NAALADL2: variants seen among roughly 807,000 people sequenced by gnomAD.
The protein encoded by NAALADL2 is inactive N-acetylated-alpha-linked acidic dipeptidase-like protein 2.
Under a neutral mutation model 87.2 loss-of-function variants are expected in NAALADL2, and 76 were observed. The ratio of observed to expected loss-of-function variants is 0.87; its 90% CI spans 0.72 to 1.05. The LOEUF (loss-of-function observed/expected upper bound fraction) is 1.05. Among genes scored for constraint, NAALADL2 ranks in the 50% least tolerant of loss-of-function variants. The pLI, the probability that NAALADL2 is intolerant of heterozygous loss-of-function variation, is 0.00. For synonymous variants in NAALADL2, 354 were observed against 331.0 expected (o/e 1.07, Z -0.75); for missense variants, 1,089 against 945.8 (o/e 1.15, Z -1.99).
chr3:174,995,932 A>G (rs1277939014), intron 1 of NAALADL2, among the ~76,000 whole-genome samples: 1 of 152,168 alleles, frequency 6.6e-6, no homozygotes, highest in Non-Finnish European at 1.5e-5. Context: ...ATTGAACTGG[A>G]GACAGTTTCA....
intron 11 of NAALADL2, among the ~76,000 whole-genome samples, chr3:175,662,191 T>C (rs966363853): frequency 3.3e-5 from 5 of 151,984 alleles, no homozygotes; most frequent in Admixed American, 2.0e-4. Context: ...CAGTTTTCCT[T>C]GCAGCGATCT....
chr3:175,772,714 G>A (rs1293235258), intron 13 of NAALADL2, among the ~76,000 whole-genome samples: 1 of 152,140 alleles, frequency 6.6e-6, no homozygotes, highest in East Asian at 1.9e-4. Context: ...AGAGGCCTGA[G>A]TTTCAACTTC....
At chr3:174,656,075 AT>A (rs1272515309) in intron 2 of NAALADL2, among the ~76,000 whole-genome samples, 1 of 152,218 alleles carries the variant, frequency 6.6e-6, no homozygotes, top group African/African-American at 2.4e-5. Flanking sequence ...TGGCATTGAA[AT>A]GAAAAGTTAT....
chr3:175,740,112 G>C (rs989290953), intron 12 of NAALADL2, among the ~76,000 whole-genome samples: 1 of 152,102 alleles, frequency 6.6e-6, no homozygotes, highest in African/African-American at 2.4e-5. Flanking sequence ...GACCAAGGAG[G>C]AGTGGCCAAA....
chr3:175,433,805 T>C (rs537766895), intron 5 of NAALADL2, among the ~76,000 whole-genome samples: 5 of 152,126 alleles, frequency 3.3e-5, no homozygotes, highest in African/African-American at 1.2e-4. Context: ...ATAGAACTTT[T>C]ATGTAAGAAA....
intron 1 of NAALADL2, among the ~76,000 whole-genome samples, chr3:174,949,836 G>A (rs1003489983): frequency 3.9e-5 from 6 of 152,194 alleles, no homozygotes; most frequent in African/African-American, 1.4e-4. Context: ...TGTGGAGCAA[G>A]AGTAATACTA....
At chr3:174,714,347 G>T (rs1730979095) in intron 2 of NAALADL2, among the ~76,000 whole-genome samples, 2 of 152,120 alleles carry the variant, frequency 1.3e-5, no homozygotes, top group South Asian at 4.1e-4. Context: ...GAAAGTCGTT[G>T]GTAGCTTGAT....
intron 5 of NAALADL2, among the ~76,000 whole-genome samples, chr3:175,387,709 A>G (rs1000157323): frequency 6.6e-6 from 1 of 152,110 alleles, no homozygotes; most frequent in African/African-American, 2.4e-5. Flanking sequence ...GAATTTCCTC[A>G]GTTTTTGGAA....
At chr3:175,292,390 T>C (rs1755743805) in intron 4 of NAALADL2, among the ~76,000 whole-genome samples, 1 of 152,184 alleles carries the variant, frequency 6.6e-6, no homozygotes, top group Non-Finnish European at 1.5e-5. Flanking sequence ...AAAATATAAC[T>C]GCACTTTGAA....
At chr3:175,206,936 G>A (rs779374014) in intron 2 of NAALADL2, among the ~76,000 whole-genome samples, 1 of 152,006 alleles carries the variant, frequency 6.6e-6, no homozygotes, top group African/African-American at 2.4e-5. Context: ...AGGACAAAGT[G>A]GTAAAATGAA....
intron 1 of NAALADL2, among the ~76,000 whole-genome samples, chr3:174,487,835 C>T (rs1040084688): frequency 1.3e-5 from 2 of 151,686 alleles, no homozygotes; most frequent in Non-Finnish European, 2.9e-5. Context: ...GATTTGGTGA[C>T]ATAAATAGAG....
At chr3:175,666,194 T>C (rs1352835754) in intron 11 of NAALADL2, among the ~76,000 whole-genome samples, 2 of 152,034 alleles carry the variant, frequency 1.3e-5, no homozygotes, top group Non-Finnish European at 2.9e-5. Context: ...TGTATGGCAT[T>C]AAGTAGGGCA....
At chr3:175,783,320 G>A (rs1312260263) in intron 13 of NAALADL2, among the ~76,000 whole-genome samples, 1 of 151,896 alleles carries the variant, frequency 6.6e-6, no homozygotes, top group Admixed American at 6.6e-5. Flanking sequence ...TCACGATACT[G>A]ATTCTTCCTA....
intron 2 of NAALADL2, among the ~76,000 whole-genome samples, chr3:174,606,781 C>G (rs979239951): frequency 6.3e-4 from 96 of 152,122 alleles, no homozygotes; most frequent in Non-Finnish European, 7.6e-4. Context: ...CCCAATCTAG[C>G]AAGGCAGGCC....
At chr3:175,553,447 T>A (rs1714754261) in intron 9 of NAALADL2, among the ~76,000 whole-genome samples, 1 of 152,206 alleles carries the variant, frequency 6.6e-6, no homozygotes, top group African/African-American at 2.4e-5. Flanking sequence ...AGGATTAAGC[T>A]GTGTCTTCTC....
rs571577990 is a variant in NAALADL2 at position 174,470,095 on chromosome 3, A to T, written c.-184+29063A>T. ...GTTACAGTGTTCTTAACACTACTAT[A>T]TATCCATACAGGAATTTCCACCAAC... On this transcript the variant is annotated intron_variant, in intron 1 of 3. Transcript: ENST00000434257. Among the ~76,000 whole-genome samples, 4 of 152,274 alleles carry T rather than the reference A, an allele frequency of 2.6e-5. No homozygotes were observed. The South Asian group carries it at 8.3e-4, about 32-fold the overall frequency.
intron 13 of NAALADL2, among the ~76,000 whole-genome samples, chr3:175,779,076 G>C (rs1156894526): frequency 6.6e-6 from 1 of 152,194 alleles, no homozygotes; most frequent in African/African-American, 2.4e-5. Context: ...GGCTAGGGCA[G>C]TTAGTTGTGG....
intron 9 of NAALADL2, among the ~76,000 whole-genome samples, chr3:175,559,526 C>T (rs1715918163): frequency 6.6e-6 from 1 of 152,096 alleles, no homozygotes; most frequent in Admixed American, 6.6e-5. Flanking sequence ...CCACATCTCA[C>T]AGGAAAGGCT....
chr3:174,682,037 T>C (rs979998800), intron 2 of NAALADL2, among the ~76,000 whole-genome samples: 4 of 151,796 alleles, frequency 2.6e-5, no homozygotes, highest in African/African-American at 9.7e-5. Flanking sequence ...GTGGTGGCCA[T>C]GGGGAGAGTG....
Sources: allele counts gnomAD v4.1 joint callset (sites outside exome capture counted in the v4.1 genomes callset), GRCh38; gene constraint gnomAD v4.1.1; transcripts MANE v1.5; gene names NCBI Gene and HGNC (gene_info 2026-07-23, HGNC 2026-07-21).